The following SLC14A1 variants were observed in gnomAD, a reference collection of about 807,000 sequenced individuals.
SLC14A1 encodes the protein solute carrier family 14 member 1 (Kidd blood group).
Under a neutral mutation model 39.6 loss-of-function variants are expected in SLC14A1, and 36 were observed. The ratio of observed to expected loss-of-function variants is 0.91; its 90% CI spans 0.70 to 1.20. SLC14A1 has a LOEUF of 1.20. SLC14A1 is among the 50% of genes most tolerant of loss of function. The pLI is 0.00. For synonymous variants in SLC14A1, 164 were observed against 173.6 expected, an observed-to-expected ratio of 0.94 and a Z score of 0.43; for missense variants, 469 against 478.7, an observed-to-expected ratio of 0.98 and a Z score of 0.19.
chr18:45,736,298 A>G (rs552013876), intron 5 of SLC14A1, among the ~76,000 whole-genome samples, 158 bp from the exon 6 acceptor site: 1 of 152,314 alleles, frequency 6.6e-6, no homozygotes, highest in Non-Finnish European at 1.5e-5. Context: ...TGCCTCTATA[A>G]TAGGATTTAT....
At chr18:45,727,611 T>G (rs2046910140) in intron 2 of SLC14A1, among the ~76,000 whole-genome samples, 1 of 152,214 alleles carries the variant, frequency 6.6e-6, no homozygotes, top group Admixed American at 6.5e-5. Flanking sequence ...CTGAGAAGTT[T>G]TGACAGCCAT....
chr18:45,736,831 A>T (rs1282847903), intron 6 of SLC14A1, among the ~76,000 whole-genome samples, 183 bp downstream of exon 6: 1 of 151,754 alleles, frequency 6.6e-6, no homozygotes, highest in Non-Finnish European at 1.5e-5. Flanking sequence ...GGGATTTTTT[A>T]AAATTACTAT....
At chr18:45,733,881 G>T (rs969687297) in intron 4 of SLC14A1, among the ~76,000 whole-genome samples, 1 of 151,560 alleles carries the variant, frequency 6.6e-6, no homozygotes, top group African/African-American at 2.4e-5. Flanking sequence ...TCATAAGAGT[G>T]CGAACCCCAT....
chr18:45,751,015 T>C lies in SLC14A1; in HGVS notation c.*1064T>C, dbSNP rs2047687223. 14 of 985,150 alleles carry C rather than the reference T, an allele frequency of 1.4e-5. No individual in the cohort carries two copies. Among genetic ancestry groups the C allele is most frequent in the Non-Finnish European group, 1.6e-5 (13 of 829,752 alleles). The allele number at this position is 985,150 out of a possible 1,614,324, so 61.0% of individuals were successfully genotyped here. On this transcript the variant is annotated 3_prime_UTR_variant, in exon 10 of 10. Transcript: ENST00000321925. ...TTTTTTGCACACTCACAATATTCTC[T>C]CTCAGAAATCAATGGCATTTGAACC... is the stretch of plus-strand genomic sequence containing the variant.
Position 45,734,337 on chromosome 18 carries a change from C to A in SLC14A1, c.405C>A (p.Val135=). ...NATLVGVLMA[V]FSDKGDYFWW... Reference sequence around the variant, plus strand: ...CCCTGGTGGGAGTACTCATGGCTGTCTTTTCGGACAAGGGAGACTATTTCT... The same window carrying A: ...CCCTGGTGGGAGTACTCATGGCTGTATTTTCGGACAAGGGAGACTATTTCT... Residue 135 remains valine, a synonymous_variant, in exon 5 of 10, where the codon GTC becomes GTA. Coordinates refer to ENST00000321925, the MANE Select transcript of SLC14A1 (RefSeq NM_015865.7). 1 of 1,613,802 alleles carries A rather than the reference C, an allele frequency of 6.2e-7. No individual in the cohort carries two copies. The highest frequency in any genetic ancestry group is 8.5e-7 in the Non-Finnish European group (1 of 1,179,970).
Position 45,750,188 on chromosome 18 carries a change from G to A in SLC14A1, c.*237G>A, listed in dbSNP as rs927708315. ...GTATGGAATTTGAAACCCCAATGGG[G>A]CCTTGGCACTAAGACTGGAATGTAT... On this transcript the variant is annotated 3_prime_UTR_variant, in exon 10 of 10. Coordinates refer to ENST00000321925, the MANE Select transcript of SLC14A1 (RefSeq NM_015865.7). 74 of 1,418,688 alleles carry A rather than the reference G, an allele frequency of 5.2e-5. 1 individual carries two copies. In the South Asian group the frequency reaches 1.1e-3, roughly 20 times the overall value. 87.9% of individuals were successfully genotyped at this position (1,418,688 alleles called of 1,614,324 possible).
chr18:45,745,133 C>A (rs1452355269), intron 8 of SLC14A1, among the ~76,000 whole-genome samples: 1 of 152,196 alleles, frequency 6.6e-6, no homozygotes, highest in African/African-American at 2.4e-5. Flanking sequence ...GTCCCAGCTA[C>A]TCAGGAGGCT....
At chr18:45,740,685 C>T (rs1017062744) in intron 8 of SLC14A1, among the ~76,000 whole-genome samples, 6 of 152,020 alleles carry the variant, frequency 3.9e-5, no homozygotes, top group African/African-American at 9.7e-5. Flanking sequence ...GGACCACAGG[C>T]GTGCCACCAT....
At chr18:45,732,569 G>A (rs1348944076) in intron 4 of SLC14A1, among the ~76,000 whole-genome samples, 1 of 152,220 alleles carries the variant, frequency 6.6e-6, no homozygotes, top group Non-Finnish European at 1.5e-5. Context: ...CATCTTGCCT[G>A]TTGCAATGGT....
At chr18:45,742,807 C>T (rs1329373750) in intron 8 of SLC14A1, among the ~76,000 whole-genome samples, 1 of 151,824 alleles carries the variant, frequency 6.6e-6, no homozygotes, top group African/African-American at 2.4e-5. Flanking sequence ...CCTCAGCCTC[C>T]CCAGTAGCTG....
intron 8 of SLC14A1, among the ~76,000 whole-genome samples, chr18:45,740,027 C>G (rs1226630067): frequency 6.6e-6 from 1 of 152,230 alleles, no homozygotes; most frequent in African/African-American, 2.4e-5. Flanking sequence ...CCCCTGTGCT[C>G]ACGGGCTCTC....
chr18:45,735,707 C>T (rs2047174432), intron 5 of SLC14A1, among the ~76,000 whole-genome samples: 1 of 152,198 alleles, frequency 6.6e-6, no homozygotes, highest in African/African-American at 2.4e-5. Context: ...AATTTGGGCC[C>T]TGCTCTGAAG....
intron 5 of SLC14A1, among the ~76,000 whole-genome samples, chr18:45,735,410 A>T (rs2144780305): frequency 6.6e-6 from 1 of 151,752 alleles, no homozygotes; most frequent in East Asian, 1.9e-4. Context: ...ATTCCCCCTT[A>T]CCCACCTGCC....
intron 8 of SLC14A1, among the ~76,000 whole-genome samples, chr18:45,747,704 T>A (rs2047587666): frequency 6.6e-6 from 1 of 151,594 alleles, no homozygotes; most frequent in Admixed American, 6.6e-5. Context: ...CCAAAAAAAA[T>A]AAAAAATAAA....
intron 8 of SLC14A1, among the ~76,000 whole-genome samples, chr18:45,743,925 AAGTTTT>A (rs1214697054): frequency 2.0e-5 from 3 of 152,264 alleles, no homozygotes; most frequent in African/African-American, 7.2e-5. Context: ...TCGTAAGTAT[AAGTTTT>A]TGTTTTGGGT....
At chr18:45,737,783 G>A (rs1599287008) in intron 6 of SLC14A1, among the ~76,000 whole-genome samples, 1 of 152,168 alleles carries the variant, frequency 6.6e-6, no homozygotes, top group East Asian at 1.9e-4. Flanking sequence ...CACATCTCAG[G>A]TGCTTGATAG....
chr18:45,736,355 G>A (rs1215903072), intron 5 of SLC14A1, 101 bp from the exon 6 acceptor site: 2 of 1,099,870 alleles, frequency 1.8e-6, no homozygotes, highest in Non-Finnish European at 2.8e-6. Flanking sequence ...ACACGTAAGG[G>A]GCCTGTTGGC....
rs1482083467 is a variant in SLC14A1 at position 45,751,745 on chromosome 18, G to A, written c.*1794G>A. ...CAGTGAGCTATATGATCATGTCACT[G>A]CACTCCAGCCTGTGTGACCGAGCAA... On this transcript the variant is annotated 3_prime_UTR_variant, in exon 10 of 10. Transcript: ENST00000321925. The A allele has an allele frequency of 3.4e-6, 2 of 585,898 alleles. No homozygotes were observed. The highest frequency in any genetic ancestry group is 4.3e-6 in the Non-Finnish European group (2 of 466,658). 36.3% of individuals were successfully genotyped at this position (585,898 alleles called of 1,614,324 possible). A position where few individuals can be genotyped will look rare whatever the true frequency, so the allele number is the denominator to read the frequency against.
intron 8 of SLC14A1, among the ~76,000 whole-genome samples, chr18:45,747,516 G>A (rs897019004): frequency 1.3e-4 from 19 of 143,566 alleles, no homozygotes; most frequent in Admixed American, 8.1e-4. Context: ...GTGAAACCCC[G>A]TCTCTACTAA....
Sources: allele counts gnomAD v4.1 joint callset (sites outside exome capture counted in the v4.1 genomes callset), GRCh38; gene constraint gnomAD v4.1.1; transcripts MANE v1.5; gene names NCBI Gene and HGNC (gene_info 2026-07-23, HGNC 2026-07-21).